HBP1: variants seen among roughly 807,000 people sequenced by gnomAD.
HBP1 encodes HMG box-containing protein 1.
In HBP1, 20 loss-of-function variants were observed where a neutral mutation model predicts 62.6. The observed-to-expected ratio is 0.32, with a 90% CI of 0.22 to 0.46. The LOEUF is 0.46. HBP1 is among the 20% of genes least tolerant of loss of function. The pLI, the probability that HBP1 is intolerant of heterozygous loss-of-function variation, is 1.00. For synonymous variants in HBP1, 232 were observed against 206.2 expected (o/e 1.12, Z -1.07); for missense variants, 480 against 611.8 (o/e 0.78, Z 2.27).
In HBP1 at chr7:107,185,797, T is replaced by G. The variant is rs766142427; in HGVS notation, c.399-4T>G. 1.2e-6 allele frequency: 2 copies of G among 1,610,372 alleles called. No individual in the cohort carries two copies. The highest frequency in any genetic ancestry group is 1.7e-6 in the Non-Finnish European group (2 of 1,177,266). ...TTATGGTTGAAACTGTTGCTTTATTTTAGATCATCTCCTGTACACATCATA... is the reference window on the plus strand; with the variant it reads ...TTATGGTTGAAACTGTTGCTTTATTGTAGATCATCTCCTGTACACATCATA... On this transcript the variant is annotated splice_region_variant and splice_polypyrimidine_tract_variant and intron_variant, in intron 3 of 10. Coordinates refer to ENST00000222574, the MANE Select transcript of HBP1 (RefSeq NM_012257.4).
chr7:107,195,998 A>G lies in HBP1; in HGVS notation c.1232A>G (p.Asn411Ser), dbSNP rs750163752. 9.9e-6 allele frequency: 16 copies of G among 1,614,076 alleles called. No homozygotes were observed. In the African/African-American group the frequency reaches 1.2e-4, roughly 12 times the overall value. ...CCTGGATCATCACAGCTCTCTTCCA[A>G]TTCTTTGTATGCTAAAGCTGTCAAA... Reference protein sequence around the residue: ...GSPGSSQLSSNSLYAKAVKNH... With the variant: ...GSPGSSQLSSSSLYAKAVKNH... The change falls in exon 9 of 11, where the codon AAT (asparagine) becomes AGT (serine). Residue 411 changes from asparagine to serine, a missense_variant. Physicochemically the swap from Asn to Ser is conservative, Grantham distance 46. This residue lies in a region of HBP1 where 66 missense variants were observed against 56.4 expected (regional missense o/e 1.17). Transcript: ENST00000222574.
At position 107,195,895 on chromosome 7, in the gene HBP1, C is replaced by T. The variant is rs113176528; in HGVS notation, c.1129C>T (p.Arg377Cys). 6.2e-7 allele frequency: 1 copy of T among 1,612,646 alleles called. No homozygotes were observed. Among genetic ancestry groups the T allele is most frequent in the Non-Finnish European group, 8.5e-7 (1 of 1,178,798 alleles). The change falls in exon 9 of 11, where the codon CGT becomes TGT. Residue 377 changes from arginine (R) to cysteine (C), a missense_variant. Transcript: ENST00000222574. ...VYVLSSMARQ[R>C]RASLSCGGPG... ...TGTGTTAAGTAGTATGGCTCGCCAG[C>T]GTCGTGCATCTTTGTCTTGTGGAGG...
At position 107,186,452 on chromosome 7, in the gene HBP1, T is replaced by C; in HGVS notation, c.632T>C (p.Val211Ala). Reference protein sequence around the residue: ...LGWCNSWPSTVWHCFLKGTRL... With the variant: ...LGWCNSWPSTAWHCFLKGTRL... The stretch of plus-strand genomic sequence containing the variant: ...TGGTGCAATTCCTGGCCTTCAACTG[T>C]CTGGCACTGTTTTTTGAAAGGTAAA... The change falls in exon 5 of 11, where the codon GTC becomes GCC. Residue 211 changes from valine (V) to alanine (A), a missense_variant. This residue lies in a region of HBP1 where 304 missense variants were observed against 330.9 expected (regional missense o/e 0.92). Transcript: ENST00000222574. 1 of 1,610,224 alleles carries C rather than the reference T, an allele frequency of 6.2e-7. No homozygotes were observed. The highest frequency in any genetic ancestry group is 1.1e-5 in the South Asian group (1 of 90,614).
chr7:107,194,965 C>T (rs2283038), intron 8 of HBP1, among the ~76,000 whole-genome samples: 30,152 of 152,158 alleles, frequency 0.2, 3,332 homozygotes, highest in East Asian at 0.31. Context: ...GATGGCCTTT[C>T]GGGAGACTGA....
rs75208949 is a variant in HBP1 at position 107,195,750 on chromosome 7, CTTTTTT to C, written c.1068-75_1068-70del. On this transcript the variant is annotated intron_variant, in intron 8 of 10. Coordinates refer to ENST00000222574, the MANE Select transcript of HBP1 (RefSeq NM_012257.4). ...ACTGAAATTTCCAATCAGATGTTTT[CTTTTTT>C]TTTTTTTTAACCTGCTTTTTAGAAA... 1.0e-4 allele frequency: 55 copies of C among 532,096 alleles called. 1 individual carries two copies. In the African/African-American group the frequency reaches 1.1e-3, roughly 11 times the overall value. 33.0% of individuals were successfully genotyped at this position (532,096 alleles called of 1,614,324 possible). A position where few individuals can be genotyped will look rare whatever the true frequency, so the allele number is the denominator to read the frequency against.
At chr7:107,181,731 A>AT (rs1360128801) in intron 2 of HBP1, among the ~76,000 whole-genome samples, 4 of 150,894 alleles carry the variant, frequency 2.7e-5, no homozygotes, top group Admixed American at 2.0e-4. Flanking sequence ...CATATATATG[A>AT]TTTTTTAAAA....
chr7:107,196,269 A>G, intron 9 of HBP1, 118 bp downstream of exon 9: 1 of 762,990 alleles, frequency 1.3e-6, no homozygotes, highest in South Asian at 1.5e-5. Context: ...TCTTAGGTTG[A>G]CTTTTTTGTT....
chr7:107,179,396 G>A (rs1228808972), intron 1 of HBP1, among the ~76,000 whole-genome samples: 1 of 152,200 alleles, frequency 6.6e-6, no homozygotes, highest in Non-Finnish European at 1.5e-5. Context: ...TGAGTATTCA[G>A]TTGTAGGCCA....
intron 8 of HBP1, among the ~76,000 whole-genome samples, chr7:107,191,107 T>G (rs1459912080): frequency 6.6e-6 from 1 of 152,192 alleles, no homozygotes; most frequent in East Asian, 1.9e-4. Flanking sequence ...AGGCATGTAC[T>G]GGCACTAAGT....
chr7:107,184,247 C>A (rs1018645498), intron 3 of HBP1, among the ~76,000 whole-genome samples: 1 of 152,026 alleles, frequency 6.6e-6, no homozygotes, highest in East Asian at 1.9e-4. Context: ...TGTGTAATAA[C>A]AGGATGGGCA....
chr7:107,175,716 C>CTTT (rs1215594002), intron 1 of HBP1, among the ~76,000 whole-genome samples: 9 of 136,498 alleles, frequency 6.6e-5, no homozygotes, highest in Admixed American at 1.5e-4. Context: ...TCCCTCTCTT[C>CTTT]TTTTTTTTTT....
chr7:107,170,142 G>A (rs1796485857), intron 1 of HBP1: 1 of 983,374 alleles, frequency 1.0e-6, no homozygotes, highest in Non-Finnish European at 1.2e-6. Context: ...TAATACTCAA[G>A]TTTTCTGTTT....
At position 107,200,184 on chromosome 7, in the gene HBP1, C is replaced by A; in HGVS notation, c.1410C>A (p.Asp470Glu). 6.2e-7 allele frequency: 1 copy of A among 1,604,392 alleles called. No individual in the cohort carries two copies. The highest frequency in any genetic ancestry group is 8.5e-7 in the Non-Finnish European group (1 of 1,174,980). The change falls in exon 10 of 11, where the codon GAC becomes GAA. Residue 470 changes from aspartate to glutamate, a missense_variant. Asp to Glu is a conservative substitution (Grantham distance 45, BLOSUM62 2). Transcript: ENST00000222574. ...GAGCCATAAGTGTGATCCTTGGTGA[C>A]AGGTGGAAGAAAATGAAGAATGAAG... The part of the protein sequence containing the change: ...DNRAISVILG[D>E]RWKKMKNEER...
At position 107,171,046 on chromosome 7, in the gene HBP1, AATATATATAT is replaced by A. The variant is rs374693805; in HGVS notation, c.-16+1880_-16+1889del. Among the ~76,000 whole-genome samples the A allele has an allele frequency of 3.3e-5, 2 of 60,506 alleles. 1 individual carries two copies. Among genetic ancestry groups the A allele is most frequent in the Admixed American group, 3.3e-4 (2 of 6,010 alleles). The allele number at this position is 60,506 out of a possible 152,430, so 39.7% of individuals were successfully genotyped here. A position where few individuals can be genotyped will look rare whatever the true frequency, so the allele number is the denominator to read the frequency against. On this transcript the variant is annotated intron_variant, in intron 1 of 10. Coordinates refer to ENST00000222574, the MANE Select transcript of HBP1 (RefSeq NM_012257.4). ...AAAATATATAACATATACATGTATA[AATATATATAT>A]ATATATATATATATATATTTTTTTT...
chr7:107,187,567 TCTCA>T (rs1314261379), intron 6 of HBP1, among the ~76,000 whole-genome samples: 2 of 152,168 alleles, frequency 1.3e-5, no homozygotes, highest in Non-Finnish European at 2.9e-5. Flanking sequence ...TCCTGCTATG[TCTCA>T]CTATTAAGTC....
chr7:107,197,877 CT>C (rs1341018839), intron 9 of HBP1, among the ~76,000 whole-genome samples: 2 of 152,172 alleles, frequency 1.3e-5, no homozygotes, highest in African/African-American at 4.8e-5. Context: ...TAATTTGTAC[CT>C]TTCCCCTTGC....
At chr7:107,191,369 A>AG (rs1246851084) in intron 8 of HBP1, among the ~76,000 whole-genome samples, 1 of 152,206 alleles carries the variant, frequency 6.6e-6, no homozygotes, top group Non-Finnish European at 1.5e-5. Flanking sequence ...GATACTTAGG[A>AG]TATATAGATT....
chr7:107,183,959 A>G (rs971742037), intron 3 of HBP1, among the ~76,000 whole-genome samples: 1 of 152,318 alleles, frequency 6.6e-6, no homozygotes, highest in Admixed American at 6.5e-5. Flanking sequence ...GTAAAAATTT[A>G]TATTACCCCT....
chr7:107,170,790 T>G (rs1418823320), intron 1 of HBP1, among the ~76,000 whole-genome samples: 1 of 150,438 alleles, frequency 6.6e-6, no homozygotes, highest in South Asian at 2.1e-4. Context: ...CATACCCTAG[T>G]TAAAAGGGTA....
Sources: gnomAD v4.1 joint callset for allele counts (sites outside exome capture counted in the v4.1 genomes callset) on GRCh38, gnomAD v4.1.1 for gene constraint, gnomAD v4.1.1 regional missense constraint, MANE v1.5 for transcripts, NCBI Gene and HGNC (gene_info 2026-07-23, HGNC 2026-07-21) for gene names.